The following AQP8 variants were observed in gnomAD, a reference collection of about 807,000 sequenced individuals.
AQP8 encodes the protein aquaporin 8, also known as aquaporin-8.
In AQP8, 14 loss-of-function variants were observed where a neutral mutation model predicts 26.1. The observed-to-expected ratio is 0.54, with a 90% CI of 0.35 to 0.84. The LOEUF is 0.84. Ranked by LOEUF, AQP8 falls within the 40% of genes least tolerant of loss-of-function variation. The pLI is 0.01. For missense variants in AQP8, 301 were observed against 340.5 expected (o/e 0.88, Z 0.91); for synonymous variants, 131 against 150.7 (o/e 0.87, Z 0.96).
chr16:25,217,121 C>A, intron 1 of AQP8, 64 bp downstream of exon 1: 2 of 1,613,598 alleles, frequency 1.2e-6, no homozygotes, highest in South Asian at 1.1e-5. Flanking sequence ...TGAATTAATT[C>A]AAGGTTGGGG....
chr16:25,221,735 CTCTT>C (rs1272468778), intron 3 of AQP8, 152 bp downstream of exon 3: 12 of 922,830 alleles, frequency 1.3e-5, no homozygotes, highest in African/African-American at 3.3e-5. Context: ...TTTTTCTTCT[CTCTT>C]TCTTTCTTAT....
intron 5 of AQP8, 129 bp from the exon 6 acceptor site, chr16:25,228,315 G>A (rs1962661773): frequency 7.9e-6 from 6 of 759,140 alleles, no homozygotes; most frequent in Non-Finnish European, 1.4e-5. Context: ...TCTCTGCAAG[G>A]GGATCTGGCT....
In AQP8 at chr16:25,228,660, C is replaced by T; in HGVS notation, c.*168C>T. 1.6e-6 allele frequency: 1 copy of T among 645,016 alleles called. No individual in the cohort carries two copies. Among genetic ancestry groups the T allele is most frequent in the South Asian group, 1.9e-5 (1 of 52,620 alleles). The allele number at this position is 645,016 out of a possible 1,614,324, so 40.0% of individuals were successfully genotyped here. A position where few individuals can be genotyped will look rare whatever the true frequency, so the allele number is the denominator to read the frequency against. ...TCAGATAGACTGACTGCTGAGGAGG[C>T]TCTAGGTTCTTGGAATTCCTTTGTG... On this transcript the variant is annotated 3_prime_UTR_variant, in exon 6 of 6. Transcript: ENST00000219660.
In AQP8 at chr16:25,216,978, CT is replaced by C; in HGVS notation, c.-66del. ...TCCTGTCCCTAGGAGATAAGAGTATCTTGCACAGCAGGTGCAGGTTTCCCAG... is the reference window on the plus strand; with the variant it reads ...TCCTGTCCCTAGGAGATAAGAGTATCTGCACAGCAGGTGCAGGTTTCCCAG... On this transcript the variant is annotated 5_prime_UTR_variant, in exon 1 of 6. Transcript: ENST00000219660. 6.2e-7 allele frequency: 1 copy of C among 1,608,586 alleles called. No homozygotes were observed. Among genetic ancestry groups the C allele is most frequent in the Non-Finnish European group, 8.5e-7 (1 of 1,177,348 alleles).
intron 4 of AQP8, among the ~76,000 whole-genome samples, chr16:25,226,114 T>A (rs911492160): frequency 5.3e-5 from 8 of 152,168 alleles, no homozygotes; most frequent in Non-Finnish European, 1.0e-4. Context: ...AGTAGGTGTA[T>A]ATATTTCTGG....
In AQP8 at chr16:25,224,588, T is replaced by G; in HGVS notation, c.602+12T>G. ...GATATCCTGGCTGGGTGAGTGTCCC[T>G]TGGCAGTGGGGTGACCATGCCCAGA... is the stretch of plus-strand genomic sequence containing the variant. On this transcript the variant is annotated intron_variant, in intron 4 of 5. Transcript: ENST00000219660. 6.2e-7 allele frequency: 1 copy of G among 1,606,240 alleles called. No homozygotes were observed. The highest frequency in any genetic ancestry group is 8.5e-7 in the Non-Finnish European group (1 of 1,179,366).
chr16:25,228,656 G>C lies in AQP8; in HGVS notation c.*164G>C. 1 of 657,760 alleles carries C rather than the reference G, an allele frequency of 1.5e-6. No individual in the cohort carries two copies. The highest frequency in any genetic ancestry group is 2.7e-5 in the Admixed American group (1 of 37,176). 40.7% of individuals were successfully genotyped at this position (657,760 alleles called of 1,614,324 possible). On this transcript the variant is annotated 3_prime_UTR_variant, in exon 6 of 6. Coordinates refer to ENST00000219660, the MANE Select transcript of AQP8 (RefSeq NM_001169.3). ...TTTCTCAGATAGACTGACTGCTGAG[G>C]AGGCTCTAGGTTCTTGGAATTCCTT... is the stretch of plus-strand genomic sequence containing the variant.
At position 25,220,687 on chromosome 16, in the gene AQP8, C is replaced by T. The variant is rs955593690; in HGVS notation, c.261-770C>T. Among the ~76,000 whole-genome samples, 8 of 152,196 alleles carry T rather than the reference C, an allele frequency of 5.3e-5. 1 individual carries two copies. The highest frequency in any genetic ancestry group is 2.6e-4 in the Admixed American group (4 of 15,280). ...TTACACCCATCACACTTTCAGACCA[C>T]AAGTAGGGTTTTCACTGGCTGAGCA... is the stretch of plus-strand genomic sequence containing the variant. On this transcript the variant is annotated intron_variant, in intron 2 of 5. Transcript: ENST00000219660.
intron 3 of AQP8, among the ~76,000 whole-genome samples, chr16:25,222,310 C>T (rs1432942678): frequency 3.3e-5 from 5 of 152,146 alleles, no homozygotes; most frequent in Non-Finnish European, 5.9e-5. Context: ...TGTCCTATGA[C>T]CCTGCCAAAT....
rs760128142 is a variant in AQP8, at chr16:25,227,074, T to C, written c.609T>C (p.Pro203=). ...AVTVDILAGG[P]VSGGCMNPAR... Reference sequence around the variant, plus strand: ...GGTGCCTGGGTGTTTGCAGGGGCCCTGTGTCTGGAGGCTGCATGAATCCCG... The same window carrying C: ...GGTGCCTGGGTGTTTGCAGGGGCCCCGTGTCTGGAGGCTGCATGAATCCCG... The change falls in exon 5 of 6, where the codon CCT becomes CCC. Residue 203 remains proline, a synonymous_variant. Coordinates refer to ENST00000219660, the MANE Select transcript of AQP8 (RefSeq NM_001169.3). 2.5e-5 allele frequency: 40 copies of C among 1,613,912 alleles called. No individual in the cohort carries two copies. Among genetic ancestry groups the C allele is most frequent in the Non-Finnish European group, 3.3e-5 (39 of 1,180,030 alleles).
intron 2 of AQP8, among the ~76,000 whole-genome samples, chr16:25,218,588 C>T (rs1387884335): frequency 2.0e-5 from 3 of 152,194 alleles, no homozygotes; most frequent in Non-Finnish European, 4.4e-5. Context: ...AGAGCTTTAA[C>T]ATCTCTTTAG....
intron 5 of AQP8, among the ~76,000 whole-genome samples, chr16:25,227,761 T>TATAGGCATGA (rs926880730): frequency 7.2e-5 from 11 of 151,868 alleles, no homozygotes; most frequent in Non-Finnish European, 1.5e-4. Context: ...GTGCTAGGAT[T>TATAGGCATGA]ATAGGCATGA....
At chr16:25,225,472 CT>C (rs34470670) in intron 4 of AQP8, among the ~76,000 whole-genome samples, 4,705 of 141,718 alleles carry the variant, frequency 0.033, 83 homozygotes, top group African/African-American at 0.036. Flanking sequence ...CTTACAAGCC[CT>C]TTTTTTTTTT....
rs1962562359 is a variant in AQP8, at chr16:25,221,536, TG to T, written c.343del (p.Val115SerfsTer17). ...CAACCTGGTGATGCTCCTCCCGTAC[TG>T]GGTCTCACAGCTGCTCGGGGGGATG... is the stretch of plus-strand genomic sequence containing the variant. ...GLNLVMLLPY[W>X]VSQLLGGMLG... On this transcript the variant is annotated frameshift_variant, in exon 3 of 6. Transcript: ENST00000219660. LOFTEE classifies it high-confidence loss of function. The T allele has an allele frequency of 6.2e-7, 1 of 1,614,080 alleles. No homozygotes were observed. Among genetic ancestry groups the T allele is most frequent in the Non-Finnish European group, 8.5e-7 (1 of 1,179,998 alleles).
intron 2 of AQP8, 26 bp downstream of exon 2, chr16:25,217,471 C>T: frequency 3.7e-6 from 6 of 1,608,882 alleles, no homozygotes; most frequent in Non-Finnish European, 5.1e-6. Flanking sequence ...AGGATTCAGC[C>T]TGATGCTGAC....
chr16:25,227,637 G>A (rs898836813), intron 5 of AQP8, among the ~76,000 whole-genome samples: 4 of 152,084 alleles, frequency 2.6e-5, no homozygotes, highest in African/African-American at 7.2e-5. Flanking sequence ...TACAGGCGCC[G>A]CCACCACGCC....
In AQP8 at chr16:25,217,359, G is replaced by A. The variant is rs1022630516; in HGVS notation, c.174G>A (p.Glu58=). The A allele has an allele frequency of 1.2e-6, 2 of 1,614,116 alleles. No homozygotes were observed. The highest frequency in any genetic ancestry group is 1.3e-5 in the African/African-American group (1 of 75,048). ...TCATCGGGTGCCTGTCGGTCATTGAGAATGGGACGGACACTGGGCTGCTGC... is the reference window on the plus strand; with the variant it reads ...TCATCGGGTGCCTGTCGGTCATTGAAAATGGGACGGACACTGGGCTGCTGC... ...FIFIGCLSVI[E]NGTDTGLLQP... is the part of the protein sequence containing the mutation. The change falls in exon 2 of 6, where the codon GAG becomes GAA. Residue 58 remains glutamate, a synonymous_variant. Transcript: ENST00000219660.
Position 25,228,510 on chromosome 16 carries a change from T to A in AQP8, c.*18T>A, listed in dbSNP as rs773481546. 13 of 1,613,474 alleles carry A rather than the reference T, an allele frequency of 8.1e-6. No individual in the cohort carries two copies. The highest frequency in any genetic ancestry group is 1.3e-5 in the African/African-American group (1 of 74,928). On this transcript the variant is annotated 3_prime_UTR_variant, in exon 6 of 6. Transcript: ENST00000219660. ...CTCGGTGAAGCAGAGCTCGTGGGAT[T>A]CCTGCTGCTCCAGGTGTCCTCAGCT...
Position 25,217,005 on chromosome 16 carries a change from C to A in AQP8, c.-41C>A. 6.2e-7 allele frequency: 1 copy of A among 1,613,612 alleles called. No individual in the cohort carries two copies. The highest frequency in any genetic ancestry group is 1.3e-5 in the African/African-American group (1 of 75,042). ...TGCACAGCAGGTGCAGGTTTCCCAGCAGCTCAGGCAAGAGTCCGATGTTTG... is the reference window on the plus strand; with the variant it reads ...TGCACAGCAGGTGCAGGTTTCCCAGAAGCTCAGGCAAGAGTCCGATGTTTG... On this transcript the variant is annotated 5_prime_UTR_variant, in exon 1 of 6. Transcript: ENST00000219660.
Sources: allele counts gnomAD v4.1 joint callset (sites outside exome capture counted in the v4.1 genomes callset), GRCh38; gene constraint gnomAD v4.1.1; transcripts MANE v1.5; gene names NCBI Gene and HGNC (gene_info 2026-07-23, HGNC 2026-07-21).